The following SLC8A1 variants were observed in gnomAD, a reference collection of about 807,000 sequenced individuals.
SLC8A1 encodes solute carrier family 8 member A1.
A neutral mutation model predicts 68.3 loss-of-function variants in SLC8A1; 18 were observed. The observed-to-expected ratio is 0.26, with a 90% CI of 0.18 to 0.39. The LOEUF is 0.39. Among genes scored for constraint, SLC8A1 ranks in the 10% least tolerant of loss-of-function variants. The pLI is 1.00. For missense variants in SLC8A1, 985 were observed against 1,156.7 expected (o/e 0.85, Z 2.15); for synonymous variants, 475 against 415.5 (o/e 1.14, Z -1.74).
intron 1 of SLC8A1, among the ~76,000 whole-genome samples, chr2:40,446,954 A>C (rs1384514845): frequency 6.6e-6 from 1 of 152,228 alleles, no homozygotes; most frequent in Non-Finnish European, 1.5e-5. Flanking sequence ...CATAAATATC[A>C]TAATTTGGTT....
At chr2:40,374,760 T>C (rs764774865) in intron 2 of SLC8A1, among the ~76,000 whole-genome samples, 1 of 151,964 alleles carries the variant, frequency 6.6e-6, no homozygotes, top group Non-Finnish European at 1.5e-5. Flanking sequence ...CTCTAAAAGA[T>C]TATTCTAGAG....
intron 2 of SLC8A1, among the ~76,000 whole-genome samples, chr2:40,339,471 G>A (rs1241587278): frequency 6.6e-6 from 1 of 152,152 alleles, no homozygotes; most frequent in Non-Finnish European, 1.5e-5. Context: ...CCATTTTTAT[G>A]TACACTTGGT....
chr2:40,162,172 A>G (rs1358748266), intron 5 of SLC8A1, among the ~76,000 whole-genome samples: 1 of 152,204 alleles, frequency 6.6e-6, no homozygotes, highest in Admixed American at 6.5e-5. Flanking sequence ...CTTTGTGTCT[A>G]GAACTGCTGG....
At chr2:40,212,988 C>G (rs2056876429) in intron 2 of SLC8A1, 2 of 152,232 alleles carry the variant, frequency 1.3e-5, no homozygotes, top group South Asian at 2.1e-4. Flanking sequence ...GCACCCATGT[C>G]TGATTTGTGG....
intron 7 of SLC8A1, among the ~76,000 whole-genome samples, chr2:40,124,300 G>A (rs1414585760): frequency 1.3e-5 from 2 of 152,172 alleles, no homozygotes; most frequent in Admixed American, 6.5e-5. Context: ...TGCCCAAAAT[G>A]TGCCTTTCCC....
intron 1 of SLC8A1, among the ~76,000 whole-genome samples, chr2:40,502,156 A>G (rs1193706875): frequency 6.6e-6 from 1 of 152,116 alleles, no homozygotes; most frequent in Non-Finnish European, 1.5e-5. Context: ...ATGGATCTAA[A>G]TACTATTGAA....
chr2:40,176,870 C>T (rs2048561554), intron 3 of SLC8A1, among the ~76,000 whole-genome samples: 1 of 152,064 alleles, frequency 6.6e-6, no homozygotes, highest in Admixed American at 6.5e-5. Context: ...CACCAGAATT[C>T]CTTTTAAAAT....
intron 2 of SLC8A1, among the ~76,000 whole-genome samples, chr2:40,205,937 A>G (rs1484502301): frequency 1.3e-5 from 2 of 151,988 alleles, no homozygotes; most frequent in African/African-American, 2.4e-5. Context: ...AAAGGGAAAC[A>G]TGATCTTACA....
At chr2:40,326,546 T>C (rs541128133) in intron 2 of SLC8A1, among the ~76,000 whole-genome samples, 17 of 152,276 alleles carry the variant, frequency 1.1e-4, no homozygotes, top group South Asian at 2.1e-4. Flanking sequence ...AGCCCACTCA[T>C]TTTGCTTCCC....
intron 6 of SLC8A1, among the ~76,000 whole-genome samples, chr2:40,143,341 C>T (rs768254659): frequency 1.1e-4 from 16 of 152,094 alleles, no homozygotes; most frequent in Non-Finnish European, 2.2e-4. Context: ...TTTTATGTGA[C>T]AGCAAAAATG....
At chr2:40,505,917 AT>A (rs1349568604) in intron 1 of SLC8A1, among the ~76,000 whole-genome samples, 2 of 152,068 alleles carry the variant, frequency 1.3e-5, no homozygotes, top group East Asian at 3.9e-4. Flanking sequence ...AGTTAGCCTA[AT>A]TTCAGTACTG....
At chr2:40,171,839 G>C (rs751995369) in intron 4 of SLC8A1, among the ~76,000 whole-genome samples, 1 of 152,212 alleles carries the variant, frequency 6.6e-6, no homozygotes, top group Non-Finnish European at 1.5e-5. Context: ...GAGATCATAG[G>C]CCCAAACAAG....
chr2:40,175,286 G>A lies in SLC8A1; in HGVS notation c.1913-444C>T. ...CAAGCTCATTCAATAACAGGGCTGT[G>A]AAGGAAACAGACAAAGACAAACACA... On this transcript the variant is annotated intron_variant, in intron 3 of 7. Coordinates refer to ENST00000406785, the Ensembl canonical transcript of SLC8A1. 1 of 1,612,626 alleles carries A rather than the reference G, an allele frequency of 6.2e-7. No individual in the cohort carries two copies. The highest frequency in any genetic ancestry group is 8.5e-7 in the Non-Finnish European group (1 of 1,178,970).
At chr2:40,180,649 C>A (rs2049337270) in intron 2 of SLC8A1, among the ~76,000 whole-genome samples, 1 of 152,196 alleles carries the variant, frequency 6.6e-6, no homozygotes, top group Admixed American at 6.5e-5. Context: ...CAAACTGAAA[C>A]CCCTCATTGT....
rs920629908 is a variant in SLC8A1 at position 40,247,454 on chromosome 2, GTGGAGA to G, written c.1809-69605_1809-69600del. Reference sequence around the variant, plus strand: ...TATATATGTGTGTGTGTGTGTGTGTGTGGAGAGAGAGAGACAGATCTGAGGCATGGG... The same window carrying G: ...TATATATGTGTGTGTGTGTGTGTGTGGAGAGAGACAGATCTGAGGCATGGG... On this transcript the variant is annotated intron_variant, in intron 2 of 7. Coordinates refer to ENST00000406785, the Ensembl canonical transcript of SLC8A1. Among the ~76,000 whole-genome samples, 53 of 108,234 alleles carry G rather than the reference GTGGAGA, an allele frequency of 4.9e-4. No homozygotes were observed. The Middle Eastern group carries it at 0.016, about 34-fold the overall frequency. The allele number at this position is 108,234 out of a possible 152,430, so 71.0% of individuals were successfully genotyped here.
chr2:40,160,731 T>C, intron 6 of SLC8A1, 34 bp downstream of exon 9: 1 of 1,592,738 alleles, frequency 6.3e-7, no homozygotes, highest in Non-Finnish European at 8.6e-7. Context: ...GATTGGGCAA[T>C]TTTAATTTAT....
intron 3 of SLC8A1, 136 bp downstream of exon 4, chr2:40,175,125 T>A: frequency 1.1e-6 from 1 of 869,918 alleles, no homozygotes; most frequent in Non-Finnish European, 1.8e-6. Context: ...CTTGACAAAA[T>A]GAGGTCAATG....
At chr2:40,389,531 T>C (rs146125907) in intron 2 of SLC8A1, among the ~76,000 whole-genome samples, 13 of 152,138 alleles carry the variant, frequency 8.5e-5, no homozygotes, top group Admixed American at 2.0e-4. Context: ...ACAAAAATCA[T>C]TGTGTCAGTT....
chr2:40,379,063 T>C (rs1338334037), intron 2 of SLC8A1, among the ~76,000 whole-genome samples: 2 of 152,142 alleles, frequency 1.3e-5, no homozygotes, highest in Admixed American at 6.5e-5. Context: ...ACCGCCAGTT[T>C]CCAGAATAGC....
Sources: allele counts gnomAD v4.1 joint callset (sites outside exome capture counted in the v4.1 genomes callset), GRCh38; gene constraint gnomAD v4.1.1; transcripts MANE v1.5; gene names NCBI Gene and HGNC (gene_info 2026-07-23, HGNC 2026-07-21).